DDAH1: variants seen among roughly 807,000 people sequenced by gnomAD.
The protein encoded by DDAH1 is N(G),N(G)-dimethylarginine dimethylaminohydrolase 1.
A neutral mutation model predicts 28.8 loss-of-function variants in DDAH1; 19 were observed. The ratio of observed to expected loss-of-function variants is 0.66; its 90% CI spans 0.46 to 0.97. The LOEUF (loss-of-function observed/expected upper bound fraction) is 0.97. Ranked by LOEUF, DDAH1 falls within the 50% of genes least tolerant of loss-of-function variation. DDAH1 has a pLI of 0.00. For missense variants in DDAH1, 326 were observed against 375.9 expected, an observed-to-expected ratio of 0.87 and a Z score of 1.10; for synonymous variants, 153 against 154.4, an observed-to-expected ratio of 0.99 and a Z score of 0.07.
intron 1 of DDAH1, among the ~76,000 whole-genome samples, chr1:85,442,192 C>T (rs553743687): frequency 4.7e-4 from 72 of 152,286 alleles, no homozygotes; most frequent in African/African-American, 1.4e-3. Flanking sequence ...CGCCACCCCA[C>T]GACAGGCCCC....
chr1:85,442,243 T>G (rs575951014), intron 1 of DDAH1, among the ~76,000 whole-genome samples: 1 of 152,348 alleles, frequency 6.6e-6, no homozygotes, highest in South Asian at 2.1e-4. Context: ...GTGTTCTCAC[T>G]GTTCAATTCC....
At chr1:85,542,887 A>G (rs1302039844) in intron 1 of DDAH1, among the ~76,000 whole-genome samples, 1 of 152,180 alleles carries the variant, frequency 6.6e-6, no homozygotes, top group Non-Finnish European at 1.5e-5. Flanking sequence ...AATTTGTACA[A>G]TATTATGTTT....
intron 2 of DDAH1, among the ~76,000 whole-genome samples, chr1:85,474,451 A>G (rs917355032): frequency 4.0e-5 from 6 of 151,792 alleles, no homozygotes; most frequent in South Asian, 2.1e-4. Context: ...ATTCTCTCTT[A>G]CTTGGGCTTC....
chr1:85,551,320 T>A (rs911086155), intron 1 of DDAH1, among the ~76,000 whole-genome samples: 2 of 152,122 alleles, frequency 1.3e-5, no homozygotes, highest in Non-Finnish European at 2.9e-5. Context: ...ATAAACAAGG[T>A]TTGTGAACAG....
chr1:85,389,953 C>A (rs574786575), intron 1 of DDAH1, among the ~76,000 whole-genome samples: 2 of 152,296 alleles, frequency 1.3e-5, no homozygotes, highest in South Asian at 4.1e-4. Flanking sequence ...TCCAAGTTGA[C>A]GATTCTAGAA....
chr1:85,336,468 GAAA>G (rs539959481), intron 4 of DDAH1, among the ~76,000 whole-genome samples: 1 of 150,242 alleles, frequency 6.7e-6, no homozygotes, highest in Non-Finnish European at 1.5e-5. Context: ...AAGAAAGAAA[GAAA>G]AAAAAATTCC....
At chr1:85,361,249 C>CAGTT (rs1288400516) in intron 1 of DDAH1, among the ~76,000 whole-genome samples, 2 of 152,120 alleles carry the variant, frequency 1.3e-5, no homozygotes, top group Non-Finnish European at 2.9e-5. Flanking sequence ...GCTATTCAGG[C>CAGTT]AGTTAGAACA....
At chr1:85,560,743 T>C (rs928815029) in intron 1 of DDAH1, among the ~76,000 whole-genome samples, 2 of 152,086 alleles carry the variant, frequency 1.3e-5, no homozygotes, top group Non-Finnish European at 2.9e-5. Flanking sequence ...AGAAACTAAG[T>C]ATCAATTCTG....
upstream of DDAH1, chr1:85,465,294 A>C (rs1655328165): frequency 1.2e-6 from 1 of 861,848 alleles, no homozygotes; most frequent in African/African-American, 1.8e-5. Flanking sequence ...CCCAGGCGGG[A>C]GTTGTAGCGG....
At chr1:85,423,306 C>A (rs1653236875) in intron 1 of DDAH1, among the ~76,000 whole-genome samples, 1 of 152,114 alleles carries the variant, frequency 6.6e-6, no homozygotes. Flanking sequence ...TACAGGAAAG[C>A]TTTTGCTAGA....
At position 85,514,812 on chromosome 1, in the gene DDAH1, C is replaced by T. The variant is rs567912814; in HGVS notation, c.-122-18531G>A. On this transcript the variant is annotated intron_variant, in intron 1 of 6. Coordinates refer to the DDAH1 transcript ENST00000426972. ...GCCTCCATAAATCGCTGAGCACTTC[C>T]TTGGTATATCAAAATGTCCTAAACT... 1.9e-3 allele frequency among the ~76,000 whole-genome samples: 293 copies of T among 152,210 alleles called. 2 individuals carry two copies. In the South Asian group the frequency reaches 0.024, roughly 12 times the overall value.
intron 1 of DDAH1, among the ~76,000 whole-genome samples, chr1:85,404,012 T>TA (rs1652280649): frequency 6.6e-6 from 1 of 152,218 alleles, no homozygotes; most frequent in African/African-American, 2.4e-5. Flanking sequence ...ACAATTTCTA[T>TA]ATCTTAAATC....
chr1:85,508,467 G>A (rs1202242062), intron 1 of DDAH1, among the ~76,000 whole-genome samples: 2 of 152,206 alleles, frequency 1.3e-5, no homozygotes, highest in African/African-American at 2.4e-5. Flanking sequence ...TTGGGACTGG[G>A]TTGGACAGTG....
chr1:85,372,969 G>A (rs545200094), intron 1 of DDAH1, among the ~76,000 whole-genome samples: 8 of 133,192 alleles, frequency 6.0e-5, no homozygotes, highest in African/African-American at 8.1e-5. Flanking sequence ...ACAATCTGTC[G>A]GCAAAAAACC....
At position 85,437,761 on chromosome 1, in the gene DDAH1, T is replaced by G. The variant is rs1029690062; in HGVS notation, c.303+26982A>C. 3.3e-5 allele frequency among the ~76,000 whole-genome samples: 5 copies of G among 152,348 alleles called. No individual in the cohort carries two copies. In the East Asian group the frequency reaches 9.6e-4, roughly 29 times the overall value. ...TGTTCAATGTAAAGTTATAAAATTT[T>G]AATAAACACATAAGCATAGTTTACC... is the stretch of plus-strand genomic sequence containing the variant. On this transcript the variant is annotated intron_variant, in intron 1 of 5. Coordinates refer to ENST00000284031, the MANE Select transcript of DDAH1 (RefSeq NM_012137.4).
intron 5 of DDAH1, among the ~76,000 whole-genome samples, chr1:85,322,997 T>C: frequency 6.6e-6 from 1 of 152,180 alleles, no homozygotes; most frequent in East Asian, 1.9e-4. Flanking sequence ...TGCATTAAAG[T>C]ATGAGATCCA....
In DDAH1 at chr1:85,504,841, G is replaced by C. The variant is rs968798146; in HGVS notation, c.-122-8560C>G. On this transcript the variant is annotated intron_variant, in intron 1 of 6. Transcript: ENST00000426972. Reference sequence around the variant, plus strand: ...TGCCTGATAATAAGAACTATCTGTGGCACTTGTTAAAAATACAAATACCTA... The same window carrying C: ...TGCCTGATAATAAGAACTATCTGTGCCACTTGTTAAAAATACAAATACCTA... Among the ~76,000 whole-genome samples, 3 of 151,950 alleles carry C rather than the reference G, an allele frequency of 2.0e-5. No homozygotes were observed. The East Asian group carries it at 5.8e-4, about 29-fold the overall frequency.
intron 1 of DDAH1, among the ~76,000 whole-genome samples, chr1:85,419,996 C>T (rs1022786737): frequency 1.3e-5 from 2 of 152,146 alleles, no homozygotes; most frequent in African/African-American, 4.8e-5. Flanking sequence ...ATTTTCATCA[C>T]ATTTTATCAA....
intron 1 of DDAH1, among the ~76,000 whole-genome samples, chr1:85,403,245 A>G (rs1158102551): frequency 1.5e-4 from 1 of 6,470 alleles, no homozygotes; most frequent in African/African-American, 4.2e-4. Context: ...GTGTATATAT[A>G]CACACACACA....
Sources: allele counts gnomAD v4.1 joint callset (sites outside exome capture counted in the v4.1 genomes callset), GRCh38; gene constraint gnomAD v4.1.1; transcripts MANE v1.5; gene names NCBI Gene and HGNC (gene_info 2026-07-23, HGNC 2026-07-21).